The following MTREX variants were observed in gnomAD, a reference collection of about 807,000 sequenced individuals.
The protein encoded by MTREX is Mtr4 exosome RNA helicase.
MTREX carries 76 observed loss-of-function variants against 135.4 expected under a neutral mutation model. That is an observed-to-expected ratio of 0.56 (90% CI 0.47 to 0.68). MTREX has a LOEUF of 0.68. Ranked by LOEUF, MTREX falls within the 30% of genes least tolerant of loss-of-function variation. MTREX has a pLI of 0.00. For synonymous variants in MTREX, 404 were observed against 401.6 expected, an observed-to-expected ratio of 1.01 and a Z score of -0.07; for missense variants, 920 against 1,262.1, an observed-to-expected ratio of 0.73 and a Z score of 4.11.
rs190368732 is a variant in MTREX at position 55,406,929 on chromosome 5, C to T, written c.2645+1341C>T. On this transcript the variant is annotated intron_variant, in intron 22 of 26. Transcript: ENST00000230640. The stretch of plus-strand genomic sequence containing the variant: ...TTATTTCCCACCACGAGGAATGTCT[C>T]CTGCCTTAGGAGCCAGCTTGCCTCT... Among the ~76,000 whole-genome samples, 355 of 152,262 alleles carry T rather than the reference C, an allele frequency of 2.3e-3. 1 individual carries two copies. The highest frequency in any genetic ancestry group is 0.014 in the South Asian group (67 of 4,810).
chr5:55,391,641 T>C (rs1184851212), intron 19 of MTREX, among the ~76,000 whole-genome samples: 1 of 152,218 alleles, frequency 6.6e-6, no homozygotes, highest in African/African-American at 2.4e-5. Context: ...ACTGCTGTTC[T>C]TTGTTCTAAA....
At chr5:55,424,268 T>G (rs1206917599) in intron 26 of MTREX, 1 of 153,100 alleles carries the variant, frequency 6.5e-6, no homozygotes. Flanking sequence ...TGCCTCAGCC[T>G]CCTGAGTAGC....
intron 13 of MTREX, 98 bp from the exon 14 acceptor site, chr5:55,353,069 AC>A: frequency 1.6e-6 from 1 of 624,488 alleles, no homozygotes; most frequent in Non-Finnish European, 2.6e-6. Context: ...GATCTCATTA[AC>A]TAATTTTAAA....
chr5:55,419,763 C>T (rs12520118), intron 25 of MTREX, among the ~76,000 whole-genome samples: 9,198 of 152,204 alleles, frequency 0.06, 496 homozygotes, highest in African/African-American at 0.12. Flanking sequence ...ATTTACTGTA[C>T]CTCTGCCTGC....
chr5:55,362,981 CTAAA>C (rs1300380259), intron 15 of MTREX, among the ~76,000 whole-genome samples: 3 of 152,030 alleles, frequency 2.0e-5, no homozygotes, highest in African/African-American at 7.2e-5. Context: ...TCTGAAATTA[CTAAA>C]TAAACATACT....
intron 16 of MTREX, among the ~76,000 whole-genome samples, chr5:55,375,968 G>A (rs1048585687): frequency 1.6e-4 from 24 of 152,216 alleles, no homozygotes; most frequent in African/African-American, 5.5e-4. Context: ...TCGTTCTCTC[G>A]ATTTTGACAC....
At chr5:55,385,122 A>G (rs1040345354) in intron 18 of MTREX, among the ~76,000 whole-genome samples, 10 of 152,224 alleles carry the variant, frequency 6.6e-5, no homozygotes, top group African/African-American at 2.4e-4. Context: ...TCACCCAGGC[A>G]AAGTCTCTGA....
intron 21 of MTREX, among the ~76,000 whole-genome samples, chr5:55,401,303 G>A (rs1211002723): frequency 1.3e-5 from 2 of 152,270 alleles, no homozygotes; most frequent in South Asian, 2.1e-4. Context: ...CCAAAGTGCC[G>A]GGATTACAGG....
Position 55,378,373 on chromosome 5 carries a change from G to T in MTREX, c.1870G>T (p.Val624Phe), listed in dbSNP as rs750883875. The T allele has an allele frequency of 9.9e-6, 16 of 1,610,480 alleles. No individual in the cohort carries two copies. The highest frequency in any genetic ancestry group is 8.9e-5 in the South Asian group (8 of 89,682). ...AGTAATTCCCAATGAAGAAAGTGTGGTTATCTATTATAAGATTAGACAGCA... is the reference window on the plus strand; with the variant it reads ...AGTAATTCCCAATGAAGAAAGTGTGTTTATCTATTATAAGATTAGACAGCA... ...KIVIPNEESV[V>F]IYYKIRQQLA... Residue 624 changes from valine (V) to phenylalanine (F), a missense_variant, in exon 17 of 27, where the codon GTT (valine) becomes TTT (phenylalanine). Coordinates refer to ENST00000230640, the MANE Select transcript of MTREX (RefSeq NM_015360.5).
Position 55,422,873 on chromosome 5 carries a change from T to C in MTREX, c.2972-5T>C. On this transcript the variant is annotated splice_region_variant and splice_polypyrimidine_tract_variant and intron_variant, in intron 25 of 26. Transcript: ENST00000230640. ...TTACCAGTGTTTTGTTCCTTTTCTA[T>C]CCAGGCAGCATAATTCGTTGTATGA... 6.2e-7 allele frequency: 1 copy of C among 1,609,182 alleles called. No homozygotes were observed. Among genetic ancestry groups the C allele is most frequent in the South Asian group, 1.1e-5 (1 of 89,844 alleles).
chr5:55,311,370 A>T (rs1477798446), intron 1 of MTREX, among the ~76,000 whole-genome samples: 1 of 152,194 alleles, frequency 6.6e-6, no homozygotes, highest in African/African-American at 2.4e-5. Flanking sequence ...GATCATTGGT[A>T]GTTGAATCAG....
chr5:55,406,325 C>T (rs963594320), intron 22 of MTREX, among the ~76,000 whole-genome samples: 19 of 152,066 alleles, frequency 1.2e-4, no homozygotes, highest in African/African-American at 3.6e-4. Context: ...GAGTCCGGAG[C>T]GGCTGGGGAA....
chr5:55,308,700 G>A (rs368838174), intron 1 of MTREX, among the ~76,000 whole-genome samples: 7 of 152,256 alleles, frequency 4.6e-5, no homozygotes, highest in Middle Eastern at 3.4e-3. Flanking sequence ...CTAATAAATG[G>A]TAGCTATCGT....
At chr5:55,404,221 C>T (rs765694383) in intron 21 of MTREX, among the ~76,000 whole-genome samples, 4 of 152,078 alleles carry the variant, frequency 2.6e-5, no homozygotes, top group East Asian at 1.9e-4. Context: ...ACTTTTCTGT[C>T]GGTGTTTTTC....
intron 18 of MTREX, among the ~76,000 whole-genome samples, chr5:55,386,648 C>T (rs1330195918): frequency 6.6e-6 from 1 of 152,104 alleles, no homozygotes; most frequent in African/African-American, 2.4e-5. Context: ...ATAATAGTCA[C>T]TTCTGTGATT....
chr5:55,382,632 G>GT (rs1750415115), intron 18 of MTREX, among the ~76,000 whole-genome samples: 1 of 148,632 alleles, frequency 6.7e-6, no homozygotes, highest in South Asian at 2.1e-4. Flanking sequence ...GTTTTTTTTT[G>GT]TTTTTTTGTT....
intron 5 of MTREX, chr5:55,329,258 T>C (rs1749430493): frequency 6.6e-6 from 1 of 152,494 alleles, no homozygotes; most frequent in Non-Finnish European, 1.5e-5. Flanking sequence ...CCTTGACCTC[T>C]GGGCTCAGGC....
chr5:55,374,725 T>G (rs569193380), intron 16 of MTREX, among the ~76,000 whole-genome samples: 1 of 152,284 alleles, frequency 6.6e-6, no homozygotes, highest in African/African-American at 2.4e-5. Context: ...AACAGAAAAC[T>G]GCAACTATAT....
intron 18 of MTREX, among the ~76,000 whole-genome samples, chr5:55,386,274 T>C (rs993263451): frequency 6.6e-6 from 1 of 152,186 alleles, no homozygotes; most frequent in Non-Finnish European, 1.5e-5. Flanking sequence ...AGCAAGAAAT[T>C]AGCCACACTT....
Sources: allele counts gnomAD v4.1 joint callset (sites outside exome capture counted in the v4.1 genomes callset), GRCh38; gene constraint gnomAD v4.1.1; transcripts MANE v1.5; gene names NCBI Gene and HGNC (gene_info 2026-07-23, HGNC 2026-07-21).